BTD: variants seen among roughly 807,000 people sequenced by gnomAD.
The protein encoded by BTD is biotinidase, also known as biocytinase.
BTD carries 13 observed loss-of-function variants against 17.7 expected under a neutral mutation model. That is an observed-to-expected ratio of 0.74 (90% confidence interval 0.48 to 1.17). The LOEUF (loss-of-function observed/expected upper bound fraction) is 1.17. BTD is among the 50% of genes most tolerant of loss of function. BTD has a pLI of 0.00. For synonymous variants in BTD, 240 were observed against 245.2 expected, an observed-to-expected ratio of 0.98 and a Z score of 0.20; for missense variants, 674 against 650.4, an observed-to-expected ratio of 1.04 and a Z score of -0.39.
In BTD at chr3:15,687,361, A is replaced by G. The variant is rs1422658657; in HGVS notation, c.400-22699A>G. Among the ~76,000 whole-genome samples, 4 of 152,160 alleles carry G rather than the reference A, an allele frequency of 2.6e-5. No homozygotes were observed. The East Asian group carries it at 7.7e-4, about 29-fold the overall frequency. ...TATATATATATACATACAGTACAAGAAAAATGATCCATCTAAAGAATGCAT... is the reference window on the plus strand; with the variant it reads ...TATATATATATACATACAGTACAAGGAAAATGATCCATCTAAAGAATGCAT... On this transcript the variant is annotated intron_variant, in intron 3 of 3. Coordinates refer to the BTD transcript ENST00000672141.
chr3:15,605,277 G>A (rs765486782), intron 1 of BTD, among the ~76,000 whole-genome samples: 12 of 152,226 alleles, frequency 7.9e-5, no homozygotes, highest in East Asian at 1.9e-4. Context: ...CTTACATGGC[G>A]ACAGGCAAGA....
intron 3 of BTD, among the ~76,000 whole-genome samples, chr3:15,642,479 G>A (rs1195941813): frequency 7.0e-6 from 1 of 142,764 alleles, no homozygotes; most frequent in Non-Finnish European, 1.5e-5. Context: ...TTTTGAGATG[G>A]AGTCTTACTC....
At chr3:15,692,957 C>T (rs1489982254) in intron 3 of BTD, among the ~76,000 whole-genome samples, 1 of 152,092 alleles carries the variant, frequency 6.6e-6, no homozygotes, top group African/African-American at 2.4e-5. Flanking sequence ...CCACATGCTA[C>T]AACATGGATG....
intron 1 of BTD, 56 bp downstream of exon 1, chr3:15,601,950 G>C: frequency 2.5e-6 from 4 of 1,598,646 alleles, no homozygotes; most frequent in Non-Finnish European, 3.4e-6. Flanking sequence ...GTGCGGTCCA[G>C]ACCCCGCCCC....
intron 1 of BTD, among the ~76,000 whole-genome samples, chr3:15,620,581 A>G (rs1229929949): frequency 6.6e-6 from 1 of 152,226 alleles, no homozygotes; most frequent in Non-Finnish European, 1.5e-5. Context: ...TTTACAATCA[A>G]TTTGTACAGT....
At position 15,653,286 on chromosome 3, in the gene BTD, G is replaced by A. The variant is rs76360141; in HGVS notation, c.*7798G>A. 4.2e-3 allele frequency among the ~76,000 whole-genome samples: 643 copies of A among 152,324 alleles called. 7 individuals are homozygous for A. Among genetic ancestry groups the A allele is most frequent in the South Asian group, 0.015 (73 of 4,828 alleles). ...CAAGTGTGAGCCCACTGTCTAATGCGGTGCATACCAAAGCAGGTGCACGGG... is the reference window on the plus strand; with the variant it reads ...CAAGTGTGAGCCCACTGTCTAATGCAGTGCATACCAAAGCAGGTGCACGGG... On this transcript the variant is annotated 3_prime_UTR_variant, in exon 4 of 4. Transcript: ENST00000643237.
At chr3:15,708,813 T>C (rs2126036047) in intron 3 of BTD, among the ~76,000 whole-genome samples, 1 of 152,300 alleles carries the variant, frequency 6.6e-6, no homozygotes, top group African/African-American at 2.4e-5. Flanking sequence ...CTACCATGCA[T>C]AATTCTTTTT....
intron 3 of BTD, among the ~76,000 whole-genome samples, chr3:15,690,736 T>TC (rs1251127891): frequency 6.6e-6 from 1 of 152,104 alleles, no homozygotes; most frequent in Non-Finnish European, 1.5e-5. Context: ...AGCTAATTTT[T>TC]CTTTTAATTT....
rs1218318616 is a variant in BTD at position 15,651,014 on chromosome 3, T to C, written c.*5526T>C. ...CGATCTCCTGACCTCATGATCTGCC[T>C]GCCTCAGCCTCCCAAAGTGCTGGGA... On this transcript the variant is annotated 3_prime_UTR_variant, in exon 4 of 4. Coordinates refer to ENST00000643237, the MANE Select transcript of BTD (RefSeq NM_001370658.1). Among the ~76,000 whole-genome samples the C allele has an allele frequency of 6.6e-6, 1 of 152,184 alleles. No individual in the cohort carries two copies. The highest frequency in any genetic ancestry group is 2.1e-4 in the South Asian group (1 of 4,834).
chr3:15,673,856 A>G lies in BTD; in HGVS notation c.399+31799A>G, dbSNP rs150512000. Among the ~76,000 whole-genome samples the G allele has an allele frequency of 1.8e-4, 28 of 152,204 alleles. No individual in the cohort carries two copies. The East Asian group carries it at 5.4e-3, about 29-fold the overall frequency. ...GAGTAGGAAATAATATCAGAAAGGT[A>G]ACAAGGTGGAGGACACATCATGTAG... On this transcript the variant is annotated intron_variant, in intron 3 of 3. Coordinates refer to the BTD transcript ENST00000672141.
chr3:15,616,865 C>G (rs554776444), intron 1 of BTD, among the ~76,000 whole-genome samples: 28 of 152,076 alleles, frequency 1.8e-4, no homozygotes, highest in Non-Finnish European at 2.9e-4. Context: ...TCGAGTCTCA[C>G]TCTGTCACCC....
At chr3:15,693,752 C>G (rs1215414840) in intron 3 of BTD, among the ~76,000 whole-genome samples, 3 of 151,984 alleles carry the variant, frequency 2.0e-5, no homozygotes, top group Non-Finnish European at 2.9e-5. Context: ...TCCAAGGACT[C>G]AAAGGGCAAA....
intron 1 of BTD, among the ~76,000 whole-genome samples, chr3:15,610,877 T>C (rs956781386): frequency 1.3e-5 from 2 of 150,180 alleles, no homozygotes; most frequent in Non-Finnish European, 3.0e-5. Context: ...AAAGCTATTT[T>C]AAAAAACAAA....
At chr3:15,669,561 TA>T (rs1463752363) in intron 3 of BTD, 1 of 152,144 alleles carries the variant, frequency 6.6e-6, no homozygotes, top group African/African-American at 2.4e-5. Flanking sequence ...TTTTTAATTC[TA>T]ATAGTATAAA....
intron 1 of BTD, 52 bp downstream of exon 1, chr3:15,601,946 T>G (rs565996366): frequency 5.7e-5 from 92 of 1,600,160 alleles, no homozygotes; most frequent in Non-Finnish European, 7.7e-5. Flanking sequence ...GGGCGTGCGG[T>G]CCAGACCCCG....
At position 15,605,649 on chromosome 3, in the gene BTD, A is replaced by C. The variant is rs2064426624; in HGVS notation, c.-17+3755A>C. Among the ~76,000 whole-genome samples, 3 of 152,190 alleles carry C rather than the reference A, an allele frequency of 2.0e-5. No individual in the cohort carries two copies. In the South Asian group the frequency reaches 6.2e-4, roughly 31 times the overall value. On this transcript the variant is annotated intron_variant, in intron 1 of 3. Coordinates refer to ENST00000643237, the MANE Select transcript of BTD (RefSeq NM_001370658.1). ...ATGTCCAGATTTTAAATGTTAGATG[A>C]GTTTTGACAGTTATATATATATATA...
rs769035994 is a variant in BTD, at chr3:15,652,251, G to A, written c.*6763G>A. ...TGAGGCAGAAGAATCGCTTGAACCC[G>A]GGAGGCGGAGGTTACAATGAGCTGA... On this transcript the variant is annotated 3_prime_UTR_variant, in exon 4 of 4. Transcript: ENST00000643237. Among the ~76,000 whole-genome samples the A allele has an allele frequency of 3.3e-5, 5 of 152,200 alleles. No homozygotes were observed. Among genetic ancestry groups the A allele is most frequent in the Admixed American group, 1.3e-4 (2 of 15,288 alleles).
intron 3 of BTD, among the ~76,000 whole-genome samples, chr3:15,688,465 T>C (rs2068405717): frequency 1.3e-5 from 2 of 152,170 alleles, no homozygotes; most frequent in Non-Finnish European, 2.9e-5. Context: ...CAGAATAAGG[T>C]AACAGCAAGT....
At chr3:15,641,697 T>C (rs913919224) in intron 2 of BTD, among the ~76,000 whole-genome samples, 5 of 152,204 alleles carry the variant, frequency 3.3e-5, no homozygotes, top group African/African-American at 1.2e-4. Context: ...TAGAGGACTT[T>C]GTCTTTGTTC....
Sources: gnomAD v4.1 joint callset for allele counts (sites outside exome capture counted in the v4.1 genomes callset) on GRCh38, gnomAD v4.1.1 for gene constraint, MANE v1.5 for transcripts, NCBI Gene and HGNC (gene_info 2026-07-23, HGNC 2026-07-21) for gene names.